The following FAM227A variants were observed in gnomAD, a reference collection of about 807,000 sequenced individuals.
The protein encoded by FAM227A is family with sequence similarity 227 member A.
Under a neutral mutation model 74.7 loss-of-function variants are expected in FAM227A, and 80 were observed. The ratio of observed to expected loss-of-function variants is 1.07; its 90% CI spans 0.89 to 1.29. The LOEUF (loss-of-function observed/expected upper bound fraction) is 1.29, where lower values mean the gene tolerates loss of function less well. FAM227A is among the 50% of genes most tolerant of loss of function. FAM227A has a pLI of 0.00. For synonymous variants in FAM227A, 237 were observed against 241.8 expected, an observed-to-expected ratio of 0.98 and a Z score of 0.19; for missense variants, 654 against 683.4, an observed-to-expected ratio of 0.96 and a Z score of 0.48.
rs2145567798 is a variant in FAM227A, at chr22:38,623,296, G to C, written c.851-17C>G. On this transcript the variant is annotated splice_polypyrimidine_tract_variant and intron_variant, in intron 9 of 16. Coordinates refer to ENST00000535113, the MANE Select transcript of FAM227A (RefSeq NM_001013647.2). ...GATAGGTGCCTAAGGGAGGAGTCAA[G>C]AGTGAGAATGGGGCCGGGTGCGGTG... 6.6e-7 allele frequency: 1 copy of C among 1,512,296 alleles called. No individual in the cohort carries two copies. Among genetic ancestry groups the C allele is most frequent in the Non-Finnish European group, 9.0e-7 (1 of 1,111,258 alleles). 93.7% of individuals were successfully genotyped at this position (1,512,296 alleles called of 1,614,324 possible).
chr22:38,649,873 AAAAAAAGAAAG>A (rs981877867), intron 2 of FAM227A, 143 bp downstream of exon 2: 4 of 725,732 alleles, frequency 5.5e-6, no homozygotes, highest in Middle Eastern at 3.9e-4. Context: ...ATCTCAAAAA[AAAAAAAGAAAG>A]AAAAGAAAAG....
At chr22:38,595,726 A>G (rs1274902144) in intron 15 of FAM227A, among the ~76,000 whole-genome samples, 1 of 152,246 alleles carries the variant, frequency 6.6e-6, no homozygotes, top group Non-Finnish European at 1.5e-5. Context: ...TAGCAGAGCA[A>G]CCTGACATGA....
rs2090737240 is a variant in FAM227A at position 38,583,167 on chromosome 22, TATAC to T, written c.*2954_*2957del. 5 of 441,668 alleles carry T rather than the reference TATAC, an allele frequency of 1.1e-5. No individual in the cohort carries two copies. In the East Asian group the frequency reaches 2.0e-4, roughly 17 times the overall value. The allele number at this position is 441,668 out of a possible 1,614,324, so 27.4% of individuals were successfully genotyped here. The stretch of plus-strand genomic sequence containing the variant: ...CTCACACGTTCTGGTTTCAGAAGAC[TATAC>T]TTTTTTTTTTTTTTTTTTGAGATGG... On this transcript the variant is annotated 3_prime_UTR_variant, in exon 17 of 17. Transcript: ENST00000535113.
chr22:38,604,259 G>A (rs1323160713), intron 13 of FAM227A, among the ~76,000 whole-genome samples: 15 of 152,168 alleles, frequency 9.9e-5, no homozygotes, highest in Non-Finnish European at 5.9e-5. Flanking sequence ...CCCAGGAGGT[G>A]GAGGTTACAG....
chr22:38,636,503 C>T lies in FAM227A; in HGVS notation c.467G>A (p.Cys156Tyr). 4 of 1,551,658 alleles carry T rather than the reference C, an allele frequency of 2.6e-6. No individual in the cohort carries two copies. The highest frequency in any genetic ancestry group is 3.5e-6 in the Non-Finnish European group (4 of 1,146,958). The stretch of plus-strand genomic sequence containing the variant: ...CCGGACCACGTTGCCCACCATGTCA[C>T]AGAAGTCCACGCCATTCGGAAGCTT... Reference protein sequence around the residue: ...PNKLPNGVDFCDMVGNVVRAE... With the variant: ...PNKLPNGVDFYDMVGNVVRAE... The change falls in exon 6 of 17, where the codon TGT becomes TAT. Residue 156 changes from cysteine to tyrosine, a missense_variant. Physicochemically the swap from Cys to Tyr is radical, Grantham distance 194. Transcript: ENST00000535113.
chr22:38,649,963 T>C, intron 2 of FAM227A, 64 bp downstream of exon 2: 1 of 1,459,014 alleles, frequency 6.9e-7, no homozygotes, highest in Non-Finnish European at 9.4e-7. Flanking sequence ...TGATTAGATC[T>C]CTGTGGCATG....
chr22:38,601,355 C>A (rs1248953810), intron 13 of FAM227A, among the ~76,000 whole-genome samples: 2 of 151,510 alleles, frequency 1.3e-5, no homozygotes, highest in Non-Finnish European at 2.9e-5. Context: ...AGGAGTTGTT[C>A]CTGGCTAAGA....
chr22:38,650,418 G>A (rs920842996), intron 1 of FAM227A, among the ~76,000 whole-genome samples, 156 bp from the exon 2 acceptor site: 2 of 152,126 alleles, frequency 1.3e-5, no homozygotes, highest in Non-Finnish European at 2.9e-5. Flanking sequence ...CTTAAATGAG[G>A]ATTTCAAGGT....
intron 4 of FAM227A, 21 bp downstream of exon 4, chr22:38,639,633 AG>A: frequency 6.4e-7 from 1 of 1,551,166 alleles, no homozygotes; most frequent in Non-Finnish European, 8.7e-7. Flanking sequence ...AAGAGCATCA[AG>A]GCTGAGGGAA....
chr22:38,636,347 T>A, intron 6 of FAM227A, 104 bp downstream of exon 6: 1 of 1,261,866 alleles, frequency 7.9e-7, no homozygotes, highest in South Asian at 1.6e-5. Flanking sequence ...TGCAAGCCTG[T>A]GGCCCTAGGT....
intron 4 of FAM227A, among the ~76,000 whole-genome samples, chr22:38,639,132 G>A (rs532804770): frequency 7.9e-5 from 12 of 152,172 alleles, no homozygotes; most frequent in Admixed American, 3.3e-4. Context: ...ACAAGGGGCC[G>A]GGCACAGTGG....
At chr22:38,611,291 G>C (rs997732376) in intron 11 of FAM227A, among the ~76,000 whole-genome samples, 3 of 152,114 alleles carry the variant, frequency 2.0e-5, no homozygotes, top group East Asian at 1.9e-4. Context: ...GTACAGAGTT[G>C]GGGGTTGGGG....
intron 1 of FAM227A, among the ~76,000 whole-genome samples, chr22:38,654,640 T>C (rs1311113072): frequency 6.7e-6 from 1 of 148,562 alleles, no homozygotes; most frequent in Non-Finnish European, 1.5e-5. Flanking sequence ...CTCAAAAAAA[T>C]AAACAAAAGG....
In FAM227A at chr22:38,582,666, GCAA is replaced by G. The variant is rs1199333750; in HGVS notation, c.*3456_*3458del. ...CCATGCAGGGATGATCTTGGACTGT[GCAA>G]CAAATGGTCCTGACAGACAGAAATG... On this transcript the variant is annotated 3_prime_UTR_variant, in exon 17 of 17. Transcript: ENST00000535113. 6.2e-6 allele frequency: 5 copies of G among 805,028 alleles called. No individual in the cohort carries two copies. The highest frequency in any genetic ancestry group is 2.7e-5 in the East Asian group (1 of 37,426). The allele number at this position is 805,028 out of a possible 1,614,324, so 49.9% of individuals were successfully genotyped here.
At chr22:38,593,382 G>A (rs1282106021) in intron 15 of FAM227A, among the ~76,000 whole-genome samples, 1 of 152,106 alleles carries the variant, frequency 6.6e-6, no homozygotes, top group African/African-American at 2.4e-5. Context: ...GCGGACACCT[G>A]CAGTCCCAGC....
intron 15 of FAM227A, 112 bp downstream of exon 15, chr22:38,597,092 T>C (rs2091061839): frequency 2.2e-6 from 2 of 928,456 alleles, no homozygotes; most frequent in Admixed American, 2.2e-5. Flanking sequence ...ATTATGCTTA[T>C]GATGGTTACA....
At chr22:38,616,489 C>A (rs1363602537) in intron 11 of FAM227A, among the ~76,000 whole-genome samples, 1 of 151,866 alleles carries the variant, frequency 6.6e-6, no homozygotes, top group African/African-American at 2.4e-5. Context: ...ATGGTGAAAC[C>A]CCGTCTCTAC....
In FAM227A at chr22:38,582,723, A is replaced by G; in HGVS notation, c.*3402T>C. 8.6e-7 allele frequency: 1 copy of G among 1,163,876 alleles called. No individual in the cohort carries two copies. The allele number at this position is 1,163,876 out of a possible 1,614,324, so 72.1% of individuals were successfully genotyped here. ...TTTGTCCTGGGCTTAGAAAATAAGG[A>G]GACCTTCTTGCTGTATGGGGGCTAA... On this transcript the variant is annotated 3_prime_UTR_variant, in exon 17 of 17. Transcript: ENST00000535113.
intron 12 of FAM227A, among the ~76,000 whole-genome samples, chr22:38,605,764 T>C (rs1414345114): frequency 6.6e-6 from 1 of 152,222 alleles, no homozygotes; most frequent in Non-Finnish European, 1.5e-5. Flanking sequence ...CAAAGTTTCC[T>C]ACAAATATTT....
Sources: gnomAD v4.1 joint callset for allele counts (sites outside exome capture counted in the v4.1 genomes callset) on GRCh38, gnomAD v4.1.1 for gene constraint, MANE v1.5 for transcripts, NCBI Gene and HGNC (gene_info 2026-07-23, HGNC 2026-07-21) for gene names.